The following DIP2A variants were observed in gnomAD, a reference collection of about 807,000 sequenced individuals.
DIP2A encodes disco-interacting protein 2 homolog A.
Under a neutral mutation model 177.4 loss-of-function variants are expected in DIP2A, and 85 were observed. The ratio of observed to expected loss-of-function variants is 0.48; its 90% confidence interval spans 0.40 to 0.57. DIP2A has a LOEUF of 0.57. Ranked by LOEUF, DIP2A falls within the 20% of genes least tolerant of loss-of-function variation. The pLI is 0.00. For missense variants in DIP2A, 1,791 were observed against 2,100.2 expected, an observed-to-expected ratio of 0.85 and a Z score of 2.88; for synonymous variants, 886 against 881.8, an observed-to-expected ratio of 1.00 and a Z score of -0.08.
chr21:46,531,268 T>A (rs1242532133), intron 9 of DIP2A, among the ~76,000 whole-genome samples: 1 of 151,928 alleles, frequency 6.6e-6, no homozygotes, highest in Non-Finnish European at 1.5e-5. Context: ...CACTCACGGC[T>A]CTCCTGAGTG....
At chr21:46,481,032 C>A (rs575768308) in intron 1 of DIP2A, among the ~76,000 whole-genome samples, 2 of 152,286 alleles carry the variant, frequency 1.3e-5, no homozygotes, top group Non-Finnish European at 2.9e-5. Flanking sequence ...GCACTCCAGC[C>A]TAGGTGGCAG....
rs938110078 is a variant in DIP2A, at chr21:46,497,223, C to T, written c.403+116C>T. The T allele has an allele frequency of 2.0e-5, 26 of 1,276,362 alleles. No homozygotes were observed. In the African/African-American group the frequency reaches 2.1e-4, roughly 11 times the overall value. The allele number at this position is 1,276,362 out of a possible 1,614,324, so 79.1% of individuals were successfully genotyped here. A position where few individuals can be genotyped will look rare whatever the true frequency, so the allele number is the denominator to read the frequency against. On this transcript the variant is annotated intron_variant, in intron 4 of 37. Coordinates refer to ENST00000417564, the MANE Select transcript of DIP2A (RefSeq NM_015151.4). ...CGTCTGGCCTGTAGTATAGATTGGA[C>T]GCATTTGGAGATTAAAAATGTTTGC... is the stretch of plus-strand genomic sequence containing the variant.
chr21:46,544,159 T>C (rs1246550467), intron 18 of DIP2A, among the ~76,000 whole-genome samples: 1 of 151,956 alleles, frequency 6.6e-6, no homozygotes, highest in African/African-American at 2.4e-5. Context: ...ACTAGGCAGA[T>C]GAGATCCCTT....
chr21:46,560,573 C>G lies in DIP2A; in HGVS notation c.3970-149C>G, dbSNP rs917371494. The G allele has an allele frequency of 7.9e-6, 8 of 1,012,788 alleles. No homozygotes were observed. The African/African-American group carries it at 1.3e-4, about 16-fold the overall frequency. The allele number at this position is 1,012,788 out of a possible 1,614,324, so 62.7% of individuals were successfully genotyped here. Reference sequence around the variant, plus strand: ...TCAGACTGCCTGGGGGACCTTGAACCCCTAGGCGGACTCACTGCAGGGAGC... The same window carrying G: ...TCAGACTGCCTGGGGGACCTTGAACGCCTAGGCGGACTCACTGCAGGGAGC... On this transcript the variant is annotated intron_variant, in intron 32 of 37. Transcript: ENST00000417564.
chr21:46,464,359 C>T (rs1243370485), intron 1 of DIP2A, among the ~76,000 whole-genome samples: 1 of 152,130 alleles, frequency 6.6e-6, no homozygotes, highest in African/African-American at 2.4e-5. Context: ...CACCATTGCA[C>T]TCCAGCCTGG....
intron 18 of DIP2A, among the ~76,000 whole-genome samples, chr21:46,542,338 G>A (rs141806488): frequency 2.6e-5 from 4 of 152,328 alleles, no homozygotes; most frequent in African/African-American, 9.6e-5. Context: ...TACTTCATAT[G>A]TGTTGAAGCA....
At position 46,565,777 on chromosome 21, in the gene DIP2A, A is replaced by G. The variant is rs2148923696; in HGVS notation, c.4229A>G (p.His1410Arg). The G allele has an allele frequency of 6.2e-7, 1 of 1,613,994 alleles. No individual in the cohort carries two copies. Among genetic ancestry groups the G allele is most frequent in the Non-Finnish European group, 8.5e-7 (1 of 1,179,876 alleles). ...YYTVYGEEALHADHFSARLSF... is the reference protein window; with the variant it reads ...YYTVYGEEALRADHFSARLSF... The stretch of plus-strand genomic sequence containing the variant: ...ACCGTTTACGGGGAGGAGGCGCTTC[A>G]TGCCGACCACTTCAGTGCCCGGCTG... Residue 1410 changes from histidine (H) to arginine (R), a missense_variant, in exon 36 of 38, where the codon CAT becomes CGT. Coordinates refer to ENST00000417564, the MANE Select transcript of DIP2A (RefSeq NM_015151.4).
At position 46,555,071 on chromosome 21, in the gene DIP2A, C is replaced by T. The variant is rs1018031235; in HGVS notation, c.3388+138C>T. On this transcript the variant is annotated intron_variant, in intron 28 of 37. Coordinates refer to ENST00000417564, the MANE Select transcript of DIP2A (RefSeq NM_015151.4). Reference sequence around the variant, plus strand: ...GAGCCTGGCTGACAGCAGGGGGTGCCCCGGGCCCTGGTGGGGAGTAGGGGT... The same window carrying T: ...GAGCCTGGCTGACAGCAGGGGGTGCTCCGGGCCCTGGTGGGGAGTAGGGGT... 9.2e-5 allele frequency: 81 copies of T among 883,746 alleles called. No individual in the cohort carries two copies. The African/African-American group carries it at 1.3e-3, about 14-fold the overall frequency. The allele number at this position is 883,746 out of a possible 1,614,324, so 54.7% of individuals were successfully genotyped here.
intron 34 of DIP2A, 121 bp downstream of exon 34, chr21:46,561,926 G>T (rs2060679183): frequency 2.7e-6 from 4 of 1,496,034 alleles, no homozygotes; most frequent in South Asian, 1.4e-5. Context: ...TCTGGTTGGG[G>T]TGGGCTCGGC....
At chr21:46,496,169 G>A (rs1188379834) in intron 3 of DIP2A, among the ~76,000 whole-genome samples, 2 of 151,964 alleles carry the variant, frequency 1.3e-5, no homozygotes, top group African/African-American at 4.8e-5. Context: ...CTAGAGCGCT[G>A]GGATTACAGG....
chr21:46,517,358 G>A (rs941826308), intron 8 of DIP2A, among the ~76,000 whole-genome samples: 5 of 152,030 alleles, frequency 3.3e-5, no homozygotes, highest in African/African-American at 7.2e-5. Context: ...GATTACAGGC[G>A]TGAGCCACCA....
Position 46,545,223 on chromosome 21 carries a change from A to G in DIP2A, c.2263A>G (p.Thr755Ala), listed in dbSNP as rs749656198. The change falls in exon 19 of 38, where the codon ACT becomes GCT. Residue 755 changes from threonine to alanine, a missense_variant. Coordinates refer to ENST00000417564, the MANE Select transcript of DIP2A (RefSeq NM_015151.4). ...AGAAATATGCGTCAGTTCCAGTGCAACTGGCACAGCGTACTATGGATTGCT... is the reference window on the plus strand; with the variant it reads ...AGAAATATGCGTCAGTTCCAGTGCAGCTGGCACAGCGTACTATGGATTGCT... ...VGEICVSSSA[T>A]GTAYYGLLGI... 2 of 1,610,124 alleles carry G rather than the reference A, an allele frequency of 1.2e-6. No individual in the cohort carries two copies. The highest frequency in any genetic ancestry group is 2.2e-5 in the East Asian group (1 of 44,776).
chr21:46,506,624 G>A (rs1270628643), intron 6 of DIP2A, among the ~76,000 whole-genome samples: 6 of 151,832 alleles, frequency 4.0e-5, no homozygotes, highest in Non-Finnish European at 4.4e-5. Flanking sequence ...CTGATGGTGT[G>A]TTGAACATCT....
chr21:46,496,074 A>G (rs1362501346), intron 3 of DIP2A, among the ~76,000 whole-genome samples: 1 of 151,932 alleles, frequency 6.6e-6, no homozygotes, highest in Admixed American at 6.6e-5. Flanking sequence ...CCATCTCAAA[A>G]AAAAAAATTT....
chr21:46,493,992 A>G (rs967744248), intron 3 of DIP2A, among the ~76,000 whole-genome samples: 1 of 152,148 alleles, frequency 6.6e-6, no homozygotes, highest in African/African-American at 2.4e-5. Context: ...ATGTTATTTC[A>G]TTTAGATGTC....
intron 10 of DIP2A, among the ~76,000 whole-genome samples, 168 bp downstream of exon 10, chr21:46,532,405 G>A (rs896552662): frequency 2.7e-4 from 41 of 152,298 alleles, no homozygotes; most frequent in African/African-American, 8.4e-4. Context: ...ATCAGATGCC[G>A]TTTTGCCTGC....
rs2060746762 is a variant in DIP2A at position 46,563,763 on chromosome 21, G to C, written c.4090-95G>C. 2.6e-6 allele frequency: 4 copies of C among 1,528,312 alleles called. No individual in the cohort carries two copies. The highest frequency in any genetic ancestry group is 3.5e-6 in the Non-Finnish European group (4 of 1,134,448). 94.7% of individuals were successfully genotyped at this position (1,528,312 alleles called of 1,614,324 possible). A position where few individuals can be genotyped will look rare whatever the true frequency, so the allele number is the denominator to read the frequency against. On this transcript the variant is annotated intron_variant, in intron 34 of 37. Transcript: ENST00000417564. The surrounding 1 kb of genome is among the most constrained non-coding windows in gnomAD (Gnocchi z 4.3). Reference sequence around the variant, plus strand: ...TGACATGAGCACATCAGTCCTGCAGGCCAGCTTCTGAGGGACGTTATTTTA... The same window carrying C: ...TGACATGAGCACATCAGTCCTGCAGCCCAGCTTCTGAGGGACGTTATTTTA...
intron 3 of DIP2A, among the ~76,000 whole-genome samples, chr21:46,492,557 T>C (rs1473210055): frequency 1.3e-5 from 2 of 152,218 alleles, no homozygotes; most frequent in African/African-American, 2.4e-5. Context: ...ATTCCTATAT[T>C]GAAGCCCTAA....
rs1308178075 is a variant in DIP2A, at chr21:46,458,986, G to C, written c.-146G>C. The stretch of plus-strand genomic sequence containing the variant: ...CCCGCGCGGGTGCGTTGCTGTCCTG[G>C]CCGCGCCCCTGTCCCGCCGCCTCCC... On this transcript the variant is annotated 5_prime_UTR_variant, in exon 1 of 38. Coordinates refer to ENST00000417564, the MANE Select transcript of DIP2A (RefSeq NM_015151.4). 1.7e-6 allele frequency: 1 copy of C among 603,634 alleles called. No homozygotes were observed. Among genetic ancestry groups the C allele is most frequent in the Non-Finnish European group, 2.5e-6 (1 of 393,990 alleles). 37.4% of individuals were successfully genotyped at this position (603,634 alleles called of 1,614,324 possible). A position where few individuals can be genotyped will look rare whatever the true frequency, so the allele number is the denominator to read the frequency against.
Sources: allele counts gnomAD v4.1 joint callset (sites outside exome capture counted in the v4.1 genomes callset), GRCh38; gene constraint gnomAD v4.1.1; non-coding constraint Gnocchi (gnomAD v3.1); transcripts MANE v1.5; gene names NCBI Gene and HGNC (gene_info 2026-07-23, HGNC 2026-07-21).